TUSC3: variants seen among roughly 807,000 people sequenced by gnomAD.
TUSC3 encodes tumor suppressor candidate 3, also known as dolichyl-diphosphooligosaccharide--protein glycosyltransferase subunit TUSC3.
Under a neutral mutation model 44.8 loss-of-function variants are expected in TUSC3, and 45 were observed. That is an observed-to-expected ratio of 1.00 (90% CI 0.79 to 1.29). TUSC3 has a LOEUF of 1.29. Ranked by LOEUF, TUSC3 falls within the 50% of genes most tolerant of loss-of-function variation. The pLI, the probability that TUSC3 is intolerant of heterozygous loss-of-function variation, is 0.00. For synonymous variants in TUSC3, 212 were observed against 152.9 expected (o/e 1.39, Z -2.85); for missense variants, 519 against 437.9 (o/e 1.19, Z -1.65).
chr8:15,840,551 A>C, the TUSC3 span, among the ~76,000 whole-genome samples: 231 of 152,292 alleles, frequency 1.5e-3, no homozygotes, highest in Non-Finnish European at 2.9e-3. Flanking sequence ...TGAAAGAATA[A>C]GATGCTATTA....
At chr8:15,608,437 C>T (rs957874123) in intron 1 of TUSC3, among the ~76,000 whole-genome samples, 3 of 152,130 alleles carry the variant, frequency 2.0e-5, no homozygotes, top group Non-Finnish European at 4.4e-5. Context: ...AGCCTAGAAT[C>T]TTATCTCTAA....
the TUSC3 span, among the ~76,000 whole-genome samples, chr8:15,777,145 G>C: frequency 3.9e-5 from 6 of 152,124 alleles, no homozygotes; most frequent in Non-Finnish European, 7.4e-5. Flanking sequence ...TTAGACTCTG[G>C]AGTAGGGTAA....
rs1198886248 is a variant in TUSC3 at position 15,581,553 on chromosome 8, G to T, written c.138+40985G>T. Reference sequence around the variant, plus strand: ...CTTCTAACAGACAGGACCCTCAGCTGCAGGTCTGTTGGAATACCCTGCAGT... The same window carrying T: ...CTTCTAACAGACAGGACCCTCAGCTTCAGGTCTGTTGGAATACCCTGCAGT... On this transcript the variant is annotated intron_variant, in intron 1 of 10. Coordinates refer to ENST00000503731, the MANE Select transcript of TUSC3 (RefSeq NM_006765.4). Among the ~76,000 whole-genome samples, 5 of 148,528 alleles carry T rather than the reference G, an allele frequency of 3.4e-5. No individual in the cohort carries two copies. In the East Asian group the frequency reaches 1.0e-3, roughly 30 times the overall value.
At chr8:15,440,830 C>A (rs73191107) in intron 1 of TUSC3, among the ~76,000 whole-genome samples, 24,737 of 152,156 alleles carry the variant, frequency 0.16, 2,092 homozygotes, top group Middle Eastern at 0.22. Flanking sequence ...GATGTTAATA[C>A]ATACCAGCTT....
At chr8:15,543,457 C>T (rs1801756223) in intron 1 of TUSC3, among the ~76,000 whole-genome samples, 1 of 152,034 alleles carries the variant, frequency 6.6e-6, no homozygotes, top group Admixed American at 6.6e-5. Flanking sequence ...TACAATTCAG[C>T]CTCTAATTTT....
the TUSC3 span, among the ~76,000 whole-genome samples, chr8:15,820,165 G>A: frequency 3.9e-5 from 6 of 151,990 alleles, no homozygotes; most frequent in Admixed American, 6.6e-5. Context: ...CATAAATTCT[G>A]ATTGACTGAT....
chr8:15,841,079 C>A, the TUSC3 span, among the ~76,000 whole-genome samples: 18 of 152,034 alleles, frequency 1.2e-4, no homozygotes, highest in African/African-American at 4.3e-4. Flanking sequence ...GGAAGTTGTT[C>A]CCTAGTTTGG....
chr8:15,673,176 G>A (rs1225716644), intron 5 of TUSC3, among the ~76,000 whole-genome samples: 2 of 151,986 alleles, frequency 1.3e-5, no homozygotes, highest in Non-Finnish European at 2.9e-5. Flanking sequence ...ATATTCAGCA[G>A]GTATATAATC....
Position 15,765,643 on chromosome 8 carries a change from TAA to T in TUSC3, c.*1488_*1489del, listed in dbSNP as rs1379020124. 1 of 152,080 alleles carries T rather than the reference TAA, an allele frequency of 6.6e-6. No homozygotes were observed. Among genetic ancestry groups the T allele is most frequent in the Admixed American group, 6.6e-5 (1 of 15,238 alleles). 9.4% of individuals were successfully genotyped at this position (152,080 alleles called of 1,614,324 possible). On this transcript the variant is annotated 3_prime_UTR_variant, in exon 11 of 11. Coordinates refer to ENST00000503731, the MANE Select transcript of TUSC3 (RefSeq NM_006765.4). ...TTCAGTGAAAATTACGTAATAATTGTAAGTTTATAATCATACTCCCAAATCTG... is the reference window on the plus strand; with the variant it reads ...TTCAGTGAAAATTACGTAATAATTGTGTTTATAATCATACTCCCAAATCTG...
At chr8:15,480,233 C>A (rs527238647) in intron 1 of TUSC3, among the ~76,000 whole-genome samples, 1 of 152,250 alleles carries the variant, frequency 6.6e-6, no homozygotes, top group African/African-American at 2.4e-5. Flanking sequence ...GAAGAATCAA[C>A]AACATAAAAA....
intron 1 of TUSC3, among the ~76,000 whole-genome samples, chr8:15,606,456 G>T (rs1336773379): frequency 6.6e-6 from 1 of 151,970 alleles, no homozygotes; most frequent in Non-Finnish European, 1.5e-5. Context: ...CGTGATTTTT[G>T]ACTGTGTGGG....
At chr8:15,601,551 C>A (rs1417452156) in intron 1 of TUSC3, among the ~76,000 whole-genome samples, 2 of 151,684 alleles carry the variant, frequency 1.3e-5, no homozygotes, top group Admixed American at 6.6e-5. Context: ...GGAGGCCACA[C>A]AGCTGATCAG....
intron 1 of TUSC3, among the ~76,000 whole-genome samples, chr8:15,459,132 G>C (rs1800305993): frequency 6.6e-6 from 1 of 152,080 alleles, no homozygotes; most frequent in Non-Finnish European, 1.5e-5. Context: ...TTTTTTTAAA[G>C]TCCTGCAAAT....
At chr8:15,511,096 A>G (rs547375840) in intron 2 of TUSC3, among the ~76,000 whole-genome samples, 1 of 152,318 alleles carries the variant, frequency 6.6e-6, no homozygotes, top group African/African-American at 2.4e-5. Flanking sequence ...CACCCCCCAA[A>G]AAACAAAACC....
chr8:15,678,282 A>G (rs1808274390), intron 6 of TUSC3, among the ~76,000 whole-genome samples: 1 of 152,232 alleles, frequency 6.6e-6, no homozygotes, highest in Non-Finnish European at 1.5e-5. Context: ...AGTCAAAGAA[A>G]TGCAGGTGCT....
At chr8:15,523,230 C>T (rs1446990027) in intron 2 of TUSC3, among the ~76,000 whole-genome samples, 1 of 152,038 alleles carries the variant, frequency 6.6e-6, no homozygotes, top group Non-Finnish European at 1.5e-5. Flanking sequence ...TGAGGTATTG[C>T]CCAATGCATC....
chr8:15,707,892 A>T (rs1161806480), intron 6 of TUSC3, among the ~76,000 whole-genome samples: 1 of 151,936 alleles, frequency 6.6e-6, no homozygotes, highest in Non-Finnish European at 1.5e-5. Context: ...GAACCATCCC[A>T]TGCCTCTTTC....
intron 7 of TUSC3, among the ~76,000 whole-genome samples, chr8:15,740,008 C>A (rs1811121218): frequency 6.6e-6 from 1 of 151,980 alleles, no homozygotes; most frequent in African/African-American, 2.4e-5. Context: ...CCTTTTGGAG[C>A]TAAAATTGTA....
At chr8:15,449,116 G>C (rs974377434) in intron 1 of TUSC3, among the ~76,000 whole-genome samples, 1 of 152,152 alleles carries the variant, frequency 6.6e-6, no homozygotes, top group African/African-American at 2.4e-5. Context: ...TGGTCATTCT[G>C]ACAAGCTGGG....
Sources: allele counts gnomAD v4.1 joint callset (sites outside exome capture counted in the v4.1 genomes callset), GRCh38; gene constraint gnomAD v4.1.1; transcripts MANE v1.5; gene names NCBI Gene and HGNC (gene_info 2026-07-23, HGNC 2026-07-21).